TARDBP: variants seen among roughly 807,000 people sequenced by gnomAD.
The protein encoded by TARDBP is TAR DNA-binding protein 43.
TARDBP carries 4 observed loss-of-function variants against 38.3 expected under a neutral mutation model. The observed-to-expected ratio is 0.10, with a 90% CI of 0.05 to 0.24. The LOEUF is 0.24. Among genes scored for constraint, TARDBP ranks in the 10% least tolerant of loss-of-function variants. The pLI, the probability that TARDBP is intolerant of heterozygous loss-of-function variation, is 1.00. For synonymous variants in TARDBP, 184 were observed against 183.8 expected (o/e 1.00, Z -0.01); for missense variants, 202 against 521.9 (o/e 0.39, Z 5.97).
intron 4 of TARDBP, chr1:11,019,244 G>T: frequency 3.2e-6 from 1 of 314,512 alleles, no homozygotes; most frequent in Admixed American, 4.8e-5. Context: ...AAATAACATT[G>T]GCTTATTTGG....
downstream of TARDBP, chr1:11,027,505 C>T: frequency 6.2e-7 from 1 of 1,614,166 alleles, no homozygotes; most frequent in Non-Finnish European, 8.5e-7. Flanking sequence ...GCATGAGCAG[C>T]TGTTAGGACC....
intron 2 of TARDBP, 50 bp downstream of exon 2, chr1:11,014,015 G>C (rs1375876346): frequency 3.8e-6 from 6 of 1,569,378 alleles, no homozygotes; most frequent in Non-Finnish European, 5.3e-6. Flanking sequence ...GTTCAGGTGT[G>C]TGTCTCATCC....
downstream of TARDBP, among the ~76,000 whole-genome samples, chr1:11,029,479 C>T (rs1379321400): frequency 6.6e-6 from 1 of 151,554 alleles, no homozygotes; most frequent in African/African-American, 2.4e-5. Context: ...TATTAAAAGG[C>T]AGATTGCATT....
intron 2 of TARDBP, among the ~76,000 whole-genome samples, chr1:11,014,250 CATT>C (rs1225814901): frequency 5.3e-5 from 8 of 152,196 alleles, no homozygotes; most frequent in Non-Finnish European, 7.3e-5. Flanking sequence ...GTACATAAAT[CATT>C]GTTGTAAATA....
Position 11,022,727 on chromosome 1 carries a change from G to A in TARDBP, c.*73G>A. ...TTTCTAAACTCATGGTAAGTATATT[G>A]TAAAATACATATGTACTAAGAATTT... On this transcript the variant is annotated 3_prime_UTR_variant, in exon 6 of 6. Transcript: ENST00000240185. This position sits in a 1 kb window ranked among gnomAD's most constrained non-coding sequence, Gnocchi z 4.5. 6.4e-7 allele frequency: 1 copy of A among 1,552,498 alleles called. No individual in the cohort carries two copies. Among genetic ancestry groups the A allele is most frequent in the Non-Finnish European group, 8.7e-7 (1 of 1,150,954 alleles).
intron 2 of TARDBP, among the ~76,000 whole-genome samples, chr1:11,015,062 G>A (rs1043221710): frequency 4.0e-5 from 6 of 150,990 alleles, no homozygotes; most frequent in East Asian, 3.9e-4. Context: ...AGCTGAGGTC[G>A]CGCCGCTACA....
chr1:11,027,191 T>G (rs1232536000), downstream of TARDBP: 4 of 1,614,092 alleles, frequency 2.5e-6, no homozygotes, highest in African/African-American at 5.3e-5. Flanking sequence ...CGACATACAT[T>G]AGATTTCTAG....
chr1:11,014,860 C>T (rs773618384), intron 2 of TARDBP, among the ~76,000 whole-genome samples: 8 of 151,994 alleles, frequency 5.3e-5, no homozygotes, highest in East Asian at 1.9e-4. Context: ...TCGCTTGAAC[C>T]GGGAGGCAGA....
rs1197783268 is a variant in TARDBP at position 11,024,607 on chromosome 1, C to G, written c.*1953C>G. On this transcript the variant is annotated 3_prime_UTR_variant, in exon 6 of 6. Transcript: ENST00000240185. ...GAAGAAACCACAAATTATCTTGTGC[C>G]TGAAATCCATTAAGAGGCCTGATAG... The G allele has an allele frequency of 6.6e-6, 1 of 152,552 alleles. No individual in the cohort carries two copies. Among genetic ancestry groups the G allele is most frequent in the East Asian group, 1.9e-4 (1 of 5,200 alleles). The allele number at this position is 152,552 out of a possible 1,614,324, so 9.4% of individuals were successfully genotyped here.
At chr1:11,027,027 A>G (rs556836063), downstream of TARDBP, 3 of 1,597,722 alleles carry the variant, frequency 1.9e-6, no homozygotes, top group African/African-American at 1.3e-5. Context: ...TTCACTATCT[A>G]GAAACACCAG....
chr1:11,027,056 T>C (rs1643746648), downstream of TARDBP: 1 of 1,592,520 alleles, frequency 6.3e-7, no homozygotes, highest in African/African-American at 1.3e-5. Flanking sequence ...CGCTGTCACC[T>C]CTGCAGCTGT....
In TARDBP at chr1:11,022,030, A is replaced by T; in HGVS notation, c.715-94A>T. Reference sequence around the variant, plus strand: ...TTGCTTATTTTTCCTCTGGCTTTAGATAAATTAATGCTTGTAATCTAAGTT... The same window carrying T: ...TTGCTTATTTTTCCTCTGGCTTTAGTTAAATTAATGCTTGTAATCTAAGTT... On this transcript the variant is annotated intron_variant, in intron 5 of 5. Transcript: ENST00000240185. The surrounding 1 kb of genome is among the most constrained non-coding windows in gnomAD (Gnocchi z 4.5). The T allele has an allele frequency of 6.8e-7, 1 of 1,461,992 alleles. No individual in the cohort carries two copies. The highest frequency in any genetic ancestry group is 9.5e-7 in the Non-Finnish European group (1 of 1,050,448). The allele number at this position is 1,461,992 out of a possible 1,614,324, so 90.6% of individuals were successfully genotyped here.
rs973900027 is a variant in TARDBP at position 11,017,556 on chromosome 1, A to G, written c.402+549A>G. ...TTCTGTTACACAGATGATACTTCCAATATTTGTTATATTTATACATATATG... is the reference window on the plus strand; with the variant it reads ...TTCTGTTACACAGATGATACTTCCAGTATTTGTTATATTTATACATATATG... On this transcript the variant is annotated intron_variant, in intron 3 of 5. Coordinates refer to ENST00000240185, the MANE Select transcript of TARDBP (RefSeq NM_007375.4). Among the ~76,000 whole-genome samples, 7 of 152,154 alleles carry G rather than the reference A, an allele frequency of 4.6e-5. No homozygotes were observed. The East Asian group carries it at 1.2e-3, about 25-fold the overall frequency.
At position 11,013,860 on chromosome 1, in the gene TARDBP, A is replaced by T; in HGVS notation, c.133A>T (p.Asn45Tyr). The T allele has an allele frequency of 6.2e-7, 1 of 1,614,152 alleles. No individual in the cohort carries two copies. The highest frequency in any genetic ancestry group is 2.2e-5 in the East Asian group (1 of 44,886). ...AGGGGCGTGTGGGCTTCGCTACAGG[A>T]ATCCAGTGTCTCAGTGTATGAGAGG... ...FPGACGLRYR[N>Y]PVSQCMRGVR... The change falls in exon 2 of 6, where the codon AAT (asparagine) becomes TAT (tyrosine). Residue 45 changes from asparagine (N) to tyrosine (Y), a missense_variant. Transcript: ENST00000240185.
At chr1:11,013,672 A>T in intron 1 of TARDBP, 44 bp from the exon 2 acceptor site, 2 of 1,465,378 alleles carry the variant, frequency 1.4e-6, no homozygotes, top group South Asian at 1.2e-5. Flanking sequence ...GGAAACAGTT[A>T]TTCTGACATG....
intron 4 of TARDBP, chr1:11,019,213 CCTAA>C: frequency 6.3e-6 from 2 of 316,970 alleles, no homozygotes; most frequent in South Asian, 2.9e-5. Flanking sequence ...GTTATAAAGA[CCTAA>C]CTTTTTCCAA....
chr1:11,022,546 T>C lies in TARDBP; in HGVS notation c.1137T>C (p.Ser379=), dbSNP rs1643662460. ...SGNNSYSGSN[S]GAAIGWGSAS... ...ATAACTCTTATAGTGGCTCTAATTC[T>C]GGTGCAGCAATTGGTTGGGGATCAG... is the stretch of plus-strand genomic sequence containing the variant. The change falls in exon 6 of 6, where the codon TCT becomes TCC. Residue 379 remains serine, a synonymous_variant. Transcript: ENST00000240185. The surrounding 1 kb of genome is among the most constrained non-coding windows in gnomAD (Gnocchi z 4.5). 2 of 1,582,422 alleles carry C rather than the reference T, an allele frequency of 1.3e-6. No homozygotes were observed. Among genetic ancestry groups the C allele is most frequent in the Non-Finnish European group, 1.7e-6 (2 of 1,161,806 alleles).
intron 3 of TARDBP, chr1:11,018,330 A>G (rs958371073): frequency 3.7e-5 from 6 of 161,572 alleles, no homozygotes; most frequent in Non-Finnish European, 7.8e-5. Flanking sequence ...CTGGGACTAC[A>G]GGTGCATGCC....
intron 3 of TARDBP, among the ~76,000 whole-genome samples, chr1:11,017,739 G>A (rs1196613432): frequency 6.6e-6 from 1 of 152,000 alleles, no homozygotes. Context: ...GTTTATCTTT[G>A]AATTCATTCT....
Sources: gnomAD v4.1 joint callset for allele counts (sites outside exome capture counted in the v4.1 genomes callset) on GRCh38, gnomAD v4.1.1 for gene constraint, Gnocchi (gnomAD v3.1) non-coding constraint, MANE v1.5 for transcripts, NCBI Gene and HGNC (gene_info 2026-07-23, HGNC 2026-07-21) for gene names.